The following FAM13A variants were observed in gnomAD, a reference collection of about 807,000 sequenced individuals.
FAM13A encodes family with sequence similarity 13 member A.
A neutral mutation model predicts 129.6 loss-of-function variants in FAM13A; 76 were observed. The observed-to-expected ratio is 0.59, with a 90% CI of 0.49 to 0.71. FAM13A has a LOEUF of 0.71. Among genes scored for constraint, FAM13A ranks in the 30% least tolerant of loss-of-function variants. FAM13A has a pLI of 0.00. For missense variants in FAM13A, 1,108 were observed against 1,249.3 expected (o/e 0.89, Z 1.70); for synonymous variants, 443 against 449.9 (o/e 0.98, Z 0.20).
At chr4:88,872,339 C>T (rs1245347724) in intron 6 of FAM13A, among the ~76,000 whole-genome samples, 1 of 151,576 alleles carries the variant, frequency 6.6e-6, no homozygotes, top group Non-Finnish European at 1.5e-5. Flanking sequence ...AATTAAAAGA[C>T]ACAGATTGGA....
intron 13 of FAM13A, among the ~76,000 whole-genome samples, chr4:88,761,150 C>G (rs1744742512): frequency 6.6e-6 from 1 of 152,102 alleles, no homozygotes; most frequent in East Asian, 1.9e-4. Context: ...GCCTCCATTA[C>G]CTAACATTTA....
At chr4:88,776,057 G>T (rs1020094554) in intron 11 of FAM13A, among the ~76,000 whole-genome samples, 1 of 152,130 alleles carries the variant, frequency 6.6e-6, no homozygotes, top group East Asian at 1.9e-4. Context: ...AAAGGAAGTT[G>T]TTCGTAGATA....
At chr4:88,846,700 A>G (rs775001876) in intron 7 of FAM13A, among the ~76,000 whole-genome samples, 2 of 152,226 alleles carry the variant, frequency 1.3e-5, no homozygotes, top group Non-Finnish European at 2.9e-5. Context: ...TACAAATCAT[A>G]AAACCCACCT....
rs1465875537 is a variant in FAM13A, at chr4:88,781,224, T to C, written c.1399A>G (p.Lys467Glu). ...AGTTTAGTACTGGATTTCTGACGTT[T>C]AGGCTTGCTCCTTTCTCCAGCACAA... ...FGCAGERSKP[K>E]RQKSSTKLSE... The change falls in exon 11 of 24, where the codon AAA becomes GAA. Residue 467 changes from lysine (K) to glutamate (E), a missense_variant. Coordinates refer to ENST00000264344, the MANE Select transcript of FAM13A (RefSeq NM_014883.4). 5.0e-6 allele frequency: 8 copies of C among 1,612,272 alleles called. No individual in the cohort carries two copies. In the East Asian group the frequency reaches 1.3e-4, roughly 27 times the overall value.
chr4:88,974,753 T>A (rs1023472236), intron 4 of FAM13A, among the ~76,000 whole-genome samples: 1 of 152,118 alleles, frequency 6.6e-6, no homozygotes, highest in Non-Finnish European at 1.5e-5. Context: ...TAAGAAGTTA[T>A]CAAAACCAGA....
chr4:88,750,513 A>G lies in FAM13A; in HGVS notation c.1851T>C (p.Ser617=). 2 of 1,614,122 alleles carry G rather than the reference A, an allele frequency of 1.2e-6. No homozygotes were observed. Among genetic ancestry groups the G allele is most frequent in the Non-Finnish European group, 1.7e-6 (2 of 1,180,004 alleles). ...TCTGCCCATAAGCGTAGAACCGAGGAGAGAGCATGGGGTCGCTGTCTTCGT... is the reference window on the plus strand; with the variant it reads ...TCTGCCCATAAGCGTAGAACCGAGGGGAGAGCATGGGGTCGCTGTCTTCGT... The part of the protein sequence containing the change: ...LLDEDSDPML[S]PRFYAYGQSR... Residue 617 remains serine, a synonymous_variant, in exon 15 of 24, where the codon TCT becomes TCC. Coordinates refer to ENST00000264344, the MANE Select transcript of FAM13A (RefSeq NM_014883.4).
intron 7 of FAM13A, among the ~76,000 whole-genome samples, chr4:88,835,910 G>A (rs943661110): frequency 6.6e-6 from 1 of 152,040 alleles, no homozygotes; most frequent in Non-Finnish European, 1.5e-5. Flanking sequence ...CATGGCCTGG[G>A]GGTTGGGGAC....
chr4:88,750,415 G>T lies in FAM13A; in HGVS notation c.1940+9C>A. ...TGCATTTGTCTATCAGCAACACAGA[G>T]AAACATACCTCATGAAAGAATGGGA... On this transcript the variant is annotated intron_variant, in intron 15 of 23. Transcript: ENST00000264344. 4 of 1,606,534 alleles carry T rather than the reference G, an allele frequency of 2.5e-6. No homozygotes were observed. The highest frequency in any genetic ancestry group is 3.4e-6 in the Non-Finnish European group (4 of 1,173,008).
chr4:88,884,333 G>C (rs1326827700), intron 6 of FAM13A, among the ~76,000 whole-genome samples: 1 of 152,112 alleles, frequency 6.6e-6, no homozygotes, highest in Non-Finnish European at 1.5e-5. Context: ...CAGGGATGCA[G>C]AGATGGCTTA....
At chr4:88,939,524 T>C (rs1218164559) in intron 4 of FAM13A, among the ~76,000 whole-genome samples, 1 of 152,198 alleles carries the variant, frequency 6.6e-6, no homozygotes, top group Non-Finnish European at 1.5e-5. Flanking sequence ...TAAGGTAACA[T>C]TTACGCATTC....
At chr4:88,893,646 A>AAATAAATG (rs1173774313) in intron 6 of FAM13A, among the ~76,000 whole-genome samples, 6 of 79,220 alleles carry the variant, frequency 7.6e-5, no homozygotes, top group African/African-American at 3.4e-4. Flanking sequence ...ATGAATGAAT[A>AAATAAATG]AATAAATAAA....
intron 5 of FAM13A, among the ~76,000 whole-genome samples, chr4:88,928,721 A>G (rs956636577): frequency 2.0e-5 from 3 of 149,530 alleles, no homozygotes; most frequent in African/African-American, 7.4e-5. Flanking sequence ...TTGTGGGAGC[A>G]TATAGTTGGA....
intron 6 of FAM13A, among the ~76,000 whole-genome samples, chr4:88,882,652 G>GTA (rs1362200110): frequency 2.7e-5 from 4 of 150,090 alleles, no homozygotes; most frequent in Admixed American, 1.3e-4. Flanking sequence ...GAATAGAACA[G>GTA]TACCTCACAT....
At chr4:89,034,390 T>G (rs917224651) in intron 1 of FAM13A, among the ~76,000 whole-genome samples, 3 of 152,074 alleles carry the variant, frequency 2.0e-5, no homozygotes, top group Non-Finnish European at 2.9e-5. Flanking sequence ...CTCACACCAG[T>G]CAGAATGGCT....
At chr4:88,886,655 C>T (rs1359198725) in intron 6 of FAM13A, among the ~76,000 whole-genome samples, 24 of 151,236 alleles carry the variant, frequency 1.6e-4, no homozygotes, top group Admixed American at 1.1e-3. Flanking sequence ...GCCTATAATC[C>T]CAGCACTTTG....
intron 20 of FAM13A, among the ~76,000 whole-genome samples, chr4:88,738,233 G>A (rs979430433): frequency 1.1e-4 from 17 of 152,174 alleles, no homozygotes. Context: ...GTATTGCAAC[G>A]GCAACATCAA....
chr4:88,811,445 C>A lies in FAM13A; in HGVS notation c.1008-6393G>T, dbSNP rs550020113. On this transcript the variant is annotated intron_variant, in intron 7 of 23. Coordinates refer to ENST00000264344, the MANE Select transcript of FAM13A (RefSeq NM_014883.4). ...TAGAATCAAAGAAATATTATACTTA[C>A]AGAAAACTAAGGATCATCTCATTCC... 1.4e-4 allele frequency among the ~76,000 whole-genome samples: 21 copies of A among 152,196 alleles called. No individual in the cohort carries two copies. In the East Asian group the frequency reaches 4.1e-3, roughly 29 times the overall value.
Position 88,728,529 on chromosome 4 carries a change from C to A in FAM13A, c.*4G>T. On this transcript the variant is annotated 3_prime_UTR_variant, in exon 24 of 24. Transcript: ENST00000264344. ...TGCCAGCCCCCTGTGCTTGGCCATG[C>A]CCCTCACATGGACTTGGAATCAGTG... The A allele has an allele frequency of 6.2e-7, 1 of 1,614,040 alleles. No homozygotes were observed. The highest frequency in any genetic ancestry group is 8.5e-7 in the Non-Finnish European group (1 of 1,179,976).
chr4:89,016,874 A>G (rs1766564993), intron 3 of FAM13A, among the ~76,000 whole-genome samples: 1 of 152,144 alleles, frequency 6.6e-6, no homozygotes, highest in South Asian at 2.1e-4. Flanking sequence ...GGCTCCAGCA[A>G]TCTGCCCACC....
Sources: gnomAD v4.1 joint callset for allele counts (sites outside exome capture counted in the v4.1 genomes callset) on GRCh38, gnomAD v4.1.1 for gene constraint, MANE v1.5 for transcripts, NCBI Gene and HGNC (gene_info 2026-07-23, HGNC 2026-07-21) for gene names.